The following SLC14A1 variants were observed in gnomAD, a reference collection of about 807,000 sequenced individuals.
The protein encoded by SLC14A1 is solute carrier family 14 member 1 (Kidd blood group).
In SLC14A1, 36 loss-of-function variants were observed where a neutral mutation model predicts 39.6. The ratio of observed to expected loss-of-function variants is 0.91; its 90% CI spans 0.70 to 1.20. The LOEUF is 1.20. Ranked by LOEUF, SLC14A1 falls within the 50% of genes most tolerant of loss-of-function variation. The probability of loss-of-function intolerance (pLI) is 0.00; values close to 1 mark genes in which losing one functional copy is unlikely to be tolerated. For missense variants in SLC14A1, 469 were observed against 478.7 expected (o/e 0.98, Z 0.19); for synonymous variants, 164 against 173.6 (o/e 0.94, Z 0.43).
In SLC14A1 at chr18:45,739,222, A is replaced by AG. The variant is rs765089147; in HGVS notation, c.728dup (p.Ile244HisfsTer36). ...TCTATGGCTGTGATAATCCATGGAC[A>AG]GGGGGCATTTTCCTGGGAGCCATCC... On this transcript the variant is annotated frameshift_variant, in exon 7 of 10. Coordinates refer to ENST00000321925, the MANE Select transcript of SLC14A1 (RefSeq NM_015865.7). LOFTEE classifies it high-confidence loss of function. 6.2e-7 allele frequency: 1 copy of AG among 1,613,952 alleles called. No homozygotes were observed. The highest frequency in any genetic ancestry group is 1.7e-5 in the Admixed American group (1 of 59,988).
intron 1 of SLC14A1, among the ~76,000 whole-genome samples, chr18:45,724,534 G>A (rs1178735774): frequency 1.3e-5 from 2 of 152,246 alleles, no homozygotes; most frequent in African/African-American, 2.4e-5. Flanking sequence ...TGATGTGGAA[G>A]AGGGTTTGCA....
chr18:45,750,602 T>C lies in SLC14A1; in HGVS notation c.*651T>C. ...GACTGCAAGAGGGAGAAAGGAATTT[T>C]GTCAATCAAAATTATTCTGTATTGC... On this transcript the variant is annotated 3_prime_UTR_variant, in exon 10 of 10. Transcript: ENST00000321925. 1.0e-6 allele frequency: 1 copy of C among 986,580 alleles called. No individual in the cohort carries two copies. Among genetic ancestry groups the C allele is most frequent in the Non-Finnish European group, 1.2e-6 (1 of 830,710 alleles). 61.1% of individuals were successfully genotyped at this position (986,580 alleles called of 1,614,324 possible).
intron 5 of SLC14A1, among the ~76,000 whole-genome samples, chr18:45,735,332 G>A (rs183626179): frequency 2.9e-4 from 44 of 152,332 alleles, no homozygotes; most frequent in African/African-American, 1.1e-3. Flanking sequence ...TATCTGGGGT[G>A]GGGCCCGAGA....
At position 45,749,854 on chromosome 18, in the gene SLC14A1, A is replaced by G. The variant is rs1313996009; in HGVS notation, c.1073A>G (p.Asn358Ser). The change falls in exon 10 of 10, where the codon AAC (asparagine) becomes AGC (serine). Residue 358 changes from asparagine to serine, a missense_variant. Coordinates refer to ENST00000321925, the MANE Select transcript of SLC14A1 (RefSeq NM_015865.7). Reference sequence around the variant, plus strand: ...CTCATCATGACCACAAAAAATTCCAACATCTACAAGATGCCCCTCAGTAAA... The same window carrying G: ...CTCATCATGACCACAAAAAATTCCAGCATCTACAAGATGCCCCTCAGTAAA... The part of the protein sequence containing the change: ...LFLIMTTKNS[N>S]IYKMPLSKVT... 6.2e-7 allele frequency: 1 copy of G among 1,614,142 alleles called. No individual in the cohort carries two copies. The highest frequency in any genetic ancestry group is 1.1e-5 in the South Asian group (1 of 91,076).
At chr18:45,725,259 T>C (rs2046834187) in intron 2 of SLC14A1, among the ~76,000 whole-genome samples, 1 of 152,234 alleles carries the variant, frequency 6.6e-6, no homozygotes, top group African/African-American at 2.4e-5. Context: ...AATCTTGATA[T>C]TGCCTTGTAT....
At chr18:45,732,315 C>G (rs868640817) in intron 4 of SLC14A1, among the ~76,000 whole-genome samples, 2 of 152,214 alleles carry the variant, frequency 1.3e-5, no homozygotes, top group Non-Finnish European at 2.9e-5. Context: ...TGGCATTCCA[C>G]AATTTGTAGA....
chr18:45,727,398 G>A (rs754938757), intron 2 of SLC14A1: 17 of 1,549,290 alleles, frequency 1.1e-5, no homozygotes, highest in African/African-American at 1.4e-5. Flanking sequence ...CTTGGCCCTG[G>A]CAGATGGGTC....
rs373802960 is a variant in SLC14A1, at chr18:45,740,766, G to A, written c.946+1104G>A. 2.6e-4 allele frequency among the ~76,000 whole-genome samples: 39 copies of A among 152,068 alleles called. No individual in the cohort carries two copies. The South Asian group carries it at 7.5e-3, about 29-fold the overall frequency. Reference sequence around the variant, plus strand: ...TTACCCAGGCTGATCTTGAATTCCCGGGCTCAAGCAATCCTCCCGCCTCCA... The same window carrying A: ...TTACCCAGGCTGATCTTGAATTCCCAGGCTCAAGCAATCCTCCCGCCTCCA... On this transcript the variant is annotated intron_variant, in intron 8 of 9. Transcript: ENST00000321925.
At chr18:45,731,287 C>A (rs1272699440) in intron 4 of SLC14A1, 83 bp downstream of exon 4, 3 of 1,290,480 alleles carry the variant, frequency 2.3e-6, no homozygotes, top group Non-Finnish European at 3.4e-6. Flanking sequence ...GTGATAAAAC[C>A]ACATCCTTCC....
chr18:45,733,864 T>A (rs1014147678), intron 4 of SLC14A1, among the ~76,000 whole-genome samples: 10 of 152,178 alleles, frequency 6.6e-5, no homozygotes, highest in African/African-American at 2.4e-4. Flanking sequence ...GCAGAAGCAT[T>A]AGCTTCTCAT....
In SLC14A1 at chr18:45,750,951, T is replaced by C. The variant is rs1210189929; in HGVS notation, c.*1000T>C. 1 of 984,636 alleles carries C rather than the reference T, an allele frequency of 1.0e-6. No homozygotes were observed. Among genetic ancestry groups the C allele is most frequent in the Non-Finnish European group, 1.2e-6 (1 of 829,288 alleles). 61.0% of individuals were successfully genotyped at this position (984,636 alleles called of 1,614,324 possible). A position where few individuals can be genotyped will look rare whatever the true frequency, so the allele number is the denominator to read the frequency against. ...TCAGATTGCTTACGGGTGTTATTTT[T>C]ATAAGTTGTTGAATTCCTTAATTTA... On this transcript the variant is annotated 3_prime_UTR_variant, in exon 10 of 10. Coordinates refer to ENST00000321925, the MANE Select transcript of SLC14A1 (RefSeq NM_015865.7).
Position 45,734,398 on chromosome 18 carries a change from A to T in SLC14A1, c.466A>T (p.Thr156Ser), listed in dbSNP as rs1391299381. The T allele has an allele frequency of 1.2e-6, 2 of 1,612,672 alleles. No individual in the cohort carries two copies. The highest frequency in any genetic ancestry group is 1.1e-5 in the South Asian group (1 of 90,972). Residue 156 changes from threonine (T) to serine (S), a missense_variant, in exon 5 of 10, where the codon ACT (threonine) becomes TCT (serine). By Grantham distance (58) the Thr-to-Ser change is moderately conservative. Transcript: ENST00000321925. ...ACTCCCTGTATGTGCTATGTCCATG[A>T]CTTGGTAAGTTACAATTGGTTTTCA... is the stretch of plus-strand genomic sequence containing the variant. The part of the protein sequence containing the change: ...LLLPVCAMSM[T>S]CPIFSSALNS...
In SLC14A1 at chr18:45,734,335, G is replaced by C. The variant is rs762296350; in HGVS notation, c.403G>C (p.Val135Leu). 1 of 1,613,960 alleles carries C rather than the reference G, an allele frequency of 6.2e-7. No individual in the cohort carries two copies. Among genetic ancestry groups the C allele is most frequent in the Non-Finnish European group, 8.5e-7 (1 of 1,179,974 alleles). ...CACCCTGGTGGGAGTACTCATGGCT[G>C]TCTTTTCGGACAAGGGAGACTATTT... ...NATLVGVLMAVFSDKGDYFWW... is the reference protein window; with the variant it reads ...NATLVGVLMALFSDKGDYFWW... The change falls in exon 5 of 10, where the codon GTC (valine) becomes CTC (leucine). Residue 135 changes from valine (V) to leucine (L), a missense_variant. Val to Leu is a conservative substitution (Grantham distance 32). Coordinates refer to ENST00000321925, the MANE Select transcript of SLC14A1 (RefSeq NM_015865.7).
chr18:45,725,936 C>T lies in SLC14A1; in HGVS notation c.-22+923C>T, dbSNP rs80283900. Among the ~76,000 whole-genome samples, 625 of 152,202 alleles carry T rather than the reference C, an allele frequency of 4.1e-3. 4 individuals carry two copies. The highest frequency in any genetic ancestry group is 0.014 in the African/African-American group (584 of 41,534). On this transcript the variant is annotated intron_variant, in intron 2 of 9. Coordinates refer to ENST00000321925, the MANE Select transcript of SLC14A1 (RefSeq NM_015865.7). ...GTGATTTTGGTGGTAGAGGAAAGGC[C>T]GGTGCCAGGCAGGGGCAGAAGGAGA...
At position 45,748,676 on chromosome 18, in the gene SLC14A1, G is replaced by A. The variant is rs374358161; in HGVS notation, c.996+251G>A. Among the ~76,000 whole-genome samples, 9 of 152,170 alleles carry A rather than the reference G, an allele frequency of 5.9e-5. No homozygotes were observed. In the South Asian group the frequency reaches 1.4e-3, roughly 25 times the overall value. The stretch of plus-strand genomic sequence containing the variant: ...TTTAAAAAAAAATGAAACGTAGGTT[G>A]TATAACATATTATCAAGTTCAGAGT... On this transcript the variant is annotated intron_variant, in intron 9 of 9. Transcript: ENST00000321925.
chr18:45,741,477 C>T (rs8086631), intron 8 of SLC14A1, among the ~76,000 whole-genome samples: 64,496 of 151,932 alleles, frequency 0.42, 14,297 homozygotes, highest in East Asian at 0.52. Flanking sequence ...ATGTATCAGG[C>T]GGGTTTAGAA....
Position 45,751,103 on chromosome 18 carries a change from G to A in SLC14A1, c.*1152G>A, listed in dbSNP as rs930893026. ...GCCTGTAATCCCAGCACTTTGGGGAGCCCAGGCGGGCAGATTGCTTGAACC... is the reference window on the plus strand; with the variant it reads ...GCCTGTAATCCCAGCACTTTGGGGAACCCAGGCGGGCAGATTGCTTGAACC... On this transcript the variant is annotated 3_prime_UTR_variant, in exon 10 of 10. Coordinates refer to ENST00000321925, the MANE Select transcript of SLC14A1 (RefSeq NM_015865.7). The A allele has an allele frequency of 4.6e-6, 4 of 867,426 alleles. No individual in the cohort carries two copies. The African/African-American group carries it at 7.3e-5, about 16-fold the overall frequency. The allele number at this position is 867,426 out of a possible 1,614,324, so 53.7% of individuals were successfully genotyped here.
chr18:45,737,397 G>A (rs1330609846), intron 6 of SLC14A1: 3 of 152,302 alleles, frequency 2.0e-5, no homozygotes, highest in Non-Finnish European at 4.4e-5. Context: ...TAATAAATAT[G>A]TTTAAGGTTT....
intron 5 of SLC14A1, among the ~76,000 whole-genome samples, chr18:45,735,929 T>C (rs1030849104): frequency 2.0e-5 from 3 of 152,210 alleles, no homozygotes; most frequent in African/African-American, 4.8e-5. Flanking sequence ...TCATGCAATT[T>C]ATCAACAGCT....
Sources: allele counts gnomAD v4.1 joint callset (sites outside exome capture counted in the v4.1 genomes callset), GRCh38; gene constraint gnomAD v4.1.1; transcripts MANE v1.5; gene names NCBI Gene and HGNC (gene_info 2026-07-23, HGNC 2026-07-21).